CYB5R4: variants seen among roughly 807,000 people sequenced by gnomAD.
CYB5R4 encodes cytochrome b5 reductase 4.
In CYB5R4, 55 loss-of-function variants were observed where a neutral mutation model predicts 70.2. That is an observed-to-expected ratio of 0.78 (90% CI 0.63 to 0.98). The LOEUF (loss-of-function observed/expected upper bound fraction) is 0.98. Ranked by LOEUF, CYB5R4 falls within the 50% of genes least tolerant of loss-of-function variation. The pLI is 0.00. For synonymous variants in CYB5R4, 197 were observed against 199.5 expected (o/e 0.99, Z 0.11); for missense variants, 562 against 612.6 (o/e 0.92, Z 0.87).
rs149504854 is a variant in CYB5R4, at chr6:83,900,413, C to T, written c.330+6791C>T. 2.1e-3 allele frequency among the ~76,000 whole-genome samples: 316 copies of T among 152,076 alleles called. 3 individuals carry two copies. Among genetic ancestry groups the T allele is most frequent in the African/African-American group, 6.7e-3 (280 of 41,496 alleles). ...TAAGTGGTAAATTTTGGAATAAGTG[C>T]GGTGTGGTGCTGAGAAGAATGTATA... On this transcript the variant is annotated intron_variant, in intron 3 of 15. Transcript: ENST00000369681.
At chr6:83,922,338 T>C (rs1013373655) in intron 8 of CYB5R4, 100 bp from the exon 9 acceptor site, 2 of 803,422 alleles carry the variant, frequency 2.5e-6, no homozygotes, top group Admixed American at 3.0e-5. Flanking sequence ...TCTTGAGGGA[T>C]TTGAAATAGT....
chr6:83,886,266 C>T (rs2099460236), intron 2 of CYB5R4, among the ~76,000 whole-genome samples: 3 of 152,162 alleles, frequency 2.0e-5, no homozygotes, highest in African/African-American at 7.2e-5. Context: ...CATGAATCTG[C>T]CCTGATGACC....
intron 3 of CYB5R4, among the ~76,000 whole-genome samples, chr6:83,908,525 A>G (rs1227432478): frequency 1.3e-5 from 2 of 152,144 alleles, no homozygotes; most frequent in Non-Finnish European, 2.9e-5. Flanking sequence ...TTAATTAATA[A>G]TTTTTCTACT....
At position 83,964,279 on chromosome 6, in the gene CYB5R4, A is replaced by G. The variant is rs1486053839; in HGVS notation, c.*4401A>G. ...TTGGAACTTCCTTGAGACTTGTTGA[A>G]TGGCTTTGACAAAAATACTGATAAT... On this transcript the variant is annotated 3_prime_UTR_variant, in exon 16 of 16. Transcript: ENST00000369681. The G allele has an allele frequency of 1.3e-5, 2 of 153,270 alleles. No individual in the cohort carries two copies. Among genetic ancestry groups the G allele is most frequent in the Non-Finnish European group, 2.9e-5 (2 of 68,912 alleles). 9.5% of individuals were successfully genotyped at this position (153,270 alleles called of 1,614,324 possible). A position where few individuals can be genotyped will look rare whatever the true frequency, so the allele number is the denominator to read the frequency against.
At chr6:83,924,309 G>T (rs2099466923) in intron 9 of CYB5R4, among the ~76,000 whole-genome samples, 161 bp from the exon 10 acceptor site, 1 of 152,014 alleles carries the variant, frequency 6.6e-6, no homozygotes, top group African/African-American at 2.4e-5. Flanking sequence ...AAACAATTAT[G>T]ATTGTGATTG....
intron 8 of CYB5R4, among the ~76,000 whole-genome samples, chr6:83,921,590 T>G (rs1208983049): frequency 1.3e-5 from 2 of 152,222 alleles, no homozygotes; most frequent in African/African-American, 4.8e-5. Context: ...CAGCCTGGAC[T>G]ACAAATTTGT....
intron 10 of CYB5R4, among the ~76,000 whole-genome samples, chr6:83,927,497 TC>T (rs1344346338): frequency 1.3e-5 from 2 of 152,202 alleles, no homozygotes; most frequent in Non-Finnish European, 2.9e-5. Context: ...ACAGCCTCCT[TC>T]TTGGGTTCAA....
chr6:83,884,213 G>A (rs2099459911), intron 2 of CYB5R4, among the ~76,000 whole-genome samples: 1 of 151,612 alleles, frequency 6.6e-6, no homozygotes, highest in Non-Finnish European at 1.5e-5. Context: ...CTTAATTATA[G>A]ATAATATAGA....
At chr6:83,957,150 CTT>C (rs968183459) in intron 15 of CYB5R4, among the ~76,000 whole-genome samples, 2 of 151,714 alleles carry the variant, frequency 1.3e-5, no homozygotes, top group Non-Finnish European at 2.9e-5. Flanking sequence ...TCTGTGTAAA[CTT>C]TTGCTCTTTT....
At chr6:83,870,443 GTT>G (rs61532875) in intron 2 of CYB5R4, among the ~76,000 whole-genome samples, 15 of 141,754 alleles carry the variant, frequency 1.1e-4, no homozygotes, top group African/African-American at 3.3e-4. Context: ...TTATCTAACC[GTT>G]TTTTTTTTTT....
chr6:83,955,198 A>G (rs1387640767), intron 14 of CYB5R4, 100 bp from the exon 15 acceptor site: 1 of 962,992 alleles, frequency 1.0e-6, no homozygotes, highest in South Asian at 2.2e-5. Context: ...TTTATATATT[A>G]AATTGTTCCT....
At chr6:83,901,271 G>T (rs866690631) in intron 3 of CYB5R4, among the ~76,000 whole-genome samples, 8 of 152,146 alleles carry the variant, frequency 5.3e-5, no homozygotes, top group South Asian at 2.1e-4. Context: ...TTCTTTTCTT[G>T]AAGAATGTTG....
intron 12 of CYB5R4, among the ~76,000 whole-genome samples, chr6:83,937,738 CG>C (rs1562843782): frequency 1.3e-5 from 2 of 152,172 alleles, no homozygotes; most frequent in African/African-American, 4.8e-5. Context: ...AAGCTGGTCT[CG>C]AACTCCTAAC....
At chr6:83,891,019 T>C (rs1393498909) in intron 2 of CYB5R4, among the ~76,000 whole-genome samples, 1 of 152,154 alleles carries the variant, frequency 6.6e-6, no homozygotes, top group African/African-American at 2.4e-5. Context: ...CATGGCTCAC[T>C]GCAGCCTCAA....
At chr6:83,946,493 C>T (rs933671538) in intron 14 of CYB5R4, among the ~76,000 whole-genome samples, 3 of 152,142 alleles carry the variant, frequency 2.0e-5, no homozygotes, top group Non-Finnish European at 2.9e-5. Context: ...TGGAAGCATT[C>T]CCTTTGAAAA....
chr6:83,942,244 G>A (rs562587186), intron 14 of CYB5R4, among the ~76,000 whole-genome samples: 7 of 152,264 alleles, frequency 4.6e-5, no homozygotes, highest in South Asian at 2.1e-4. Context: ...ACGGAAGGCC[G>A]GTGATTTCTG....
chr6:83,865,178 G>A (rs987886494), intron 2 of CYB5R4, among the ~76,000 whole-genome samples: 11 of 152,030 alleles, frequency 7.2e-5, no homozygotes, highest in Admixed American at 3.9e-4. Flanking sequence ...TGAGTGGCTG[G>A]CACATAGAGG....
At position 83,864,187 on chromosome 6, in the gene CYB5R4, C is replaced by G. The variant is rs1255789131; in HGVS notation, c.88C>G (p.Gln30Glu). Reference sequence around the variant, plus strand: ...TTTCCATTTTTAGGTACCTTTAAAACAGGGCAGAAGCCTTATGGATTGGAT... The same window carrying G: ...TTTCCATTTTTAGGTACCTTTAAAAGAGGGCAGAAGCCTTATGGATTGGAT... ...SGGRSKVPLK[Q>E]GRSLMDWIRL... is the part of the protein sequence containing the mutation. The change falls in exon 2 of 16, where the codon CAG (glutamine) becomes GAG (glutamate). Residue 30 changes from glutamine to glutamate, a missense_variant. Transcript: ENST00000369681. 6.3e-7 allele frequency: 1 copy of G among 1,587,118 alleles called. No individual in the cohort carries two copies. Among genetic ancestry groups the G allele is most frequent in the Non-Finnish European group, 8.5e-7 (1 of 1,170,260 alleles).
intron 2 of CYB5R4, among the ~76,000 whole-genome samples, chr6:83,884,968 A>G (rs1008413605): frequency 6.6e-6 from 1 of 152,174 alleles, no homozygotes; most frequent in Non-Finnish European, 1.5e-5. Context: ...GTGGTTCTCA[A>G]ACTTTTTGGT....
Sources: gnomAD v4.1 joint callset for allele counts (sites outside exome capture counted in the v4.1 genomes callset) on GRCh38, gnomAD v4.1.1 for gene constraint, MANE v1.5 for transcripts, NCBI Gene and HGNC (gene_info 2026-07-23, HGNC 2026-07-21) for gene names.